KDM4B: variants seen among roughly 807,000 people sequenced by gnomAD.
KDM4B encodes lysine demethylase 4B, also known as lysine-specific demethylase 4B.
KDM4B carries 32 observed loss-of-function variants against 125.2 expected under a neutral mutation model. The ratio of observed to expected loss-of-function variants is 0.26; its 90% confidence interval spans 0.19 to 0.34. KDM4B has a LOEUF of 0.34. KDM4B is among the 10% of genes least tolerant of loss of function. KDM4B has a pLI of 1.00. For missense variants in KDM4B, 1,190 were observed against 1,577.7 expected (o/e 0.75, Z 4.16); for synonymous variants, 721 against 677.9 (o/e 1.06, Z -0.99).
chr19:5,055,414 C>G (rs897105654), intron 6 of KDM4B, among the ~76,000 whole-genome samples: 1 of 152,240 alleles, frequency 6.6e-6, no homozygotes, highest in Admixed American at 6.5e-5. Flanking sequence ...AAATCGCACT[C>G]CAAGCTCTCC....
chr19:5,009,174 C>T (rs1408048838), intron 1 of KDM4B, among the ~76,000 whole-genome samples: 1 of 152,156 alleles, frequency 6.6e-6, no homozygotes, highest in Non-Finnish European at 1.5e-5. Context: ...CTTGGCCTCC[C>T]AAAGTGCTGG....
At chr19:5,091,882 G>GGGAAGGGTGGGAGGGAGGAGGGC (rs2038714674) in intron 9 of KDM4B, among the ~76,000 whole-genome samples, 1 of 152,198 alleles carries the variant, frequency 6.6e-6, no homozygotes, top group African/African-American at 2.4e-5. Context: ...CTGATTTATG[G>GGGAAGGGTGGGAGGGAGGAGGGC]CGTTGTGGGG....
At chr19:5,057,065 T>TGCGCGCGC (rs1555701525) in intron 6 of KDM4B, among the ~76,000 whole-genome samples, 3 of 128,322 alleles carry the variant, frequency 2.3e-5, no homozygotes, top group African/African-American at 9.6e-5. Context: ...TGTGTGTGTG[T>TGCGCGCGC]GCGCGCGCGC....
intron 6 of KDM4B, among the ~76,000 whole-genome samples, chr19:5,061,828 TA>T (rs71170891): frequency 7.2e-4 from 100 of 138,202 alleles, no homozygotes; most frequent in African/African-American, 1.1e-3. Context: ...CCCTGTCTCT[TA>T]AAAAAAAAAA....
chr19:4,989,291 T>C (rs564021833), intron 1 of KDM4B, among the ~76,000 whole-genome samples: 2 of 152,162 alleles, frequency 1.3e-5, no homozygotes, highest in African/African-American at 4.8e-5. Flanking sequence ...TGTCTGCCAG[T>C]CTTCCTTTCT....
At chr19:5,091,836 T>TGGCCC (rs2038713204) in intron 9 of KDM4B, among the ~76,000 whole-genome samples, 1 of 151,708 alleles carries the variant, frequency 6.6e-6, no homozygotes, top group Non-Finnish European at 1.5e-5. Flanking sequence ...ACGGCTGGCC[T>TGGCCC]GTGCCCTGCC....
chr19:5,039,844 C>T lies in KDM4B; in HGVS notation c.150C>T (p.Pro50=). 2.5e-6 allele frequency: 4 copies of T among 1,612,450 alleles called. No individual in the cohort carries two copies. The highest frequency in any genetic ancestry group is 3.4e-6 in the Non-Finnish European group (4 of 1,179,602). Residue 50 remains proline (P), a synonymous_variant, in exon 4 of 23, where the codon CCC becomes CCT. Transcript: ENST00000159111. ...CCATCTTGGTCTTGCAGATCATCCC[C>T]CCGAAGGAGTGGAAGCCGCGGCAGA... ...AHRAGLAKII[P]PKEWKPRQTY...
intron 18 of KDM4B, among the ~76,000 whole-genome samples, chr19:5,143,543 C>T (rs763861333): frequency 5.9e-5 from 9 of 152,246 alleles, no homozygotes; most frequent in Non-Finnish European, 1.0e-4. Flanking sequence ...TTGCAGAACA[C>T]GGGGTCACAT....
chr19:5,149,691 C>T (rs939291814), intron 21 of KDM4B, among the ~76,000 whole-genome samples: 4 of 152,294 alleles, frequency 2.6e-5, no homozygotes, highest in Admixed American at 1.3e-4. Context: ...AGAGAGTCTC[C>T]GCGAGCCTGA....
chr19:4,976,511 C>CA (rs1216933953), intron 1 of KDM4B, among the ~76,000 whole-genome samples: 1 of 152,192 alleles, frequency 6.6e-6, no homozygotes, highest in Non-Finnish European at 1.5e-5. Flanking sequence ...CCAAGGAGTT[C>CA]AGTGTGACCT....
intron 11 of KDM4B, among the ~76,000 whole-genome samples, chr19:5,123,006 G>A (rs1227130907): frequency 1.3e-5 from 2 of 152,226 alleles, no homozygotes; most frequent in African/African-American, 4.8e-5. Context: ...CTCAGGGCAC[G>A]TTTCCTGGAG....
chr19:4,980,172 C>T (rs1407166474), intron 1 of KDM4B, among the ~76,000 whole-genome samples: 1 of 152,084 alleles, frequency 6.6e-6, no homozygotes, highest in African/African-American at 2.4e-5. Context: ...TCACCACTAT[C>T]AAATGTTAGA....
chr19:5,134,019 G>A lies in KDM4B; in HGVS notation c.2043G>A (p.Glu681=). The A allele has an allele frequency of 1.2e-6, 2 of 1,609,074 alleles. No individual in the cohort carries two copies. Among genetic ancestry groups the A allele is most frequent in the South Asian group, 1.1e-5 (1 of 91,000 alleles). ...TCAACGCAGCGGCTGCGCGCACGGA[G>A]CCCTACTGCGCCATCTGCACGCTCT... ...RKFNAAAART[E]PYCAICTLFY... is the part of the protein sequence containing the mutation. The change falls in exon 14 of 23, where the codon GAG becomes GAA. Residue 681 remains glutamate, a synonymous_variant. Transcript: ENST00000159111.
intron 1 of KDM4B, among the ~76,000 whole-genome samples, chr19:5,013,085 G>T (rs56757603): frequency 0.063 from 9,551 of 152,272 alleles, 332 homozygotes; most frequent in Admixed American, 0.092. Context: ...CCAGCTTGGA[G>T]TGGGCGCTTT....
chr19:5,034,362 C>T (rs1295431889), intron 3 of KDM4B, among the ~76,000 whole-genome samples: 7 of 152,330 alleles, frequency 4.6e-5, no homozygotes, highest in South Asian at 2.1e-4. Flanking sequence ...TCTCTACACA[C>T]GGCCAGAGGG....
chr19:5,129,085 C>G (rs1032060498), intron 11 of KDM4B, among the ~76,000 whole-genome samples: 17 of 152,342 alleles, frequency 1.1e-4, no homozygotes, highest in African/African-American at 4.1e-4. Flanking sequence ...GGCTGCTCGC[C>G]TGTCCTTCTT....
intron 11 of KDM4B, among the ~76,000 whole-genome samples, chr19:5,126,435 C>T (rs2039450608): frequency 6.6e-6 from 1 of 152,220 alleles, no homozygotes; most frequent in Non-Finnish European, 1.5e-5. Flanking sequence ...GGAAGAAGGC[C>T]TGCAGTGCAG....
chr19:5,111,332 G>T, intron 10 of KDM4B: 1 of 743,314 alleles, frequency 1.3e-6, no homozygotes, highest in South Asian at 1.4e-5. Flanking sequence ...ATTTCAGAAG[G>T]CCGGCCCCGG....
Position 5,119,326 on chromosome 19 carries a change from C to T in KDM4B, c.1116-327C>T, listed in dbSNP as rs959691383. ...CTCTGTCCCGTGGCACACGCGGCTC[C>T]TGCCGCCCCGTCCCGCCCGTCATCC... is the stretch of plus-strand genomic sequence containing the variant. On this transcript the variant is annotated intron_variant, in intron 10 of 22. Coordinates refer to ENST00000159111, the MANE Select transcript of KDM4B (RefSeq NM_015015.3). 1.5e-5 allele frequency: 12 copies of T among 805,132 alleles called. 1 individual carries two copies. The East Asian group carries it at 3.2e-4, about 21-fold the overall frequency. The allele number at this position is 805,132 out of a possible 1,614,324, so 49.9% of individuals were successfully genotyped here.
Sources: allele counts gnomAD v4.1 joint callset (sites outside exome capture counted in the v4.1 genomes callset), GRCh38; gene constraint gnomAD v4.1.1; transcripts MANE v1.5; gene names NCBI Gene and HGNC (gene_info 2026-07-23, HGNC 2026-07-21).